The following PLEKHA3 variants were observed in gnomAD, a reference collection of about 807,000 sequenced individuals.
The protein encoded by PLEKHA3 is pleckstrin homology domain containing A3.
PLEKHA3 carries 19 observed loss-of-function variants against 39.2 expected under a neutral mutation model. The ratio of observed to expected loss-of-function variants is 0.48; its 90% CI spans 0.34 to 0.71. The LOEUF is 0.71. Among genes scored for constraint, PLEKHA3 ranks in the 30% least tolerant of loss-of-function variants. The probability of loss-of-function intolerance (pLI) is 0.01; values close to 1 mark genes in which losing one functional copy is unlikely to be tolerated. For missense variants in PLEKHA3, 253 were observed against 359.5 expected (o/e 0.70, Z 2.40); for synonymous variants, 97 against 118.6 (o/e 0.82, Z 1.18).
At position 178,484,833 on chromosome 2, in the gene PLEKHA3, C is replaced by G. The variant is rs1259675317; in HGVS notation, c.41-808C>G. On this transcript the variant is annotated intron_variant, in intron 1 of 7. Transcript: ENST00000234453. ...GTGGGAATTGGGTGCCAAGGAAAGT[C>G]ATCATCCTTGTCGTCAGCTTTGGCA... Among the ~76,000 whole-genome samples, 4 of 152,320 alleles carry G rather than the reference C, an allele frequency of 2.6e-5. No individual in the cohort carries two copies. In the East Asian group the frequency reaches 7.7e-4, roughly 29 times the overall value.
intron 1 of PLEKHA3, 40 bp from the exon 2 acceptor site, chr2:178,485,601 G>C (rs1685236726): frequency 8.1e-7 from 1 of 1,232,046 alleles, no homozygotes; most frequent in African/African-American, 1.5e-5. Context: ...TGAAAGTAAT[G>C]TGTTTCCAAT....
Position 178,512,522 on chromosome 2 carries a change from A to G in PLEKHA3, c.*8635A>G, listed in dbSNP as rs541149581. ...AAGACTTTTACTCACTTAAATCTCA[A>G]TATAAAGTATATTGCCAGATCTGGC... On this transcript the variant is annotated 3_prime_UTR_variant, in exon 8 of 8. Transcript: ENST00000234453. The G allele has an allele frequency of 6.6e-6, 1 of 152,274 alleles. No homozygotes were observed. The highest frequency in any genetic ancestry group is 2.4e-5 in the African/African-American group (1 of 41,460). 9.4% of individuals were successfully genotyped at this position (152,274 alleles called of 1,614,324 possible). A position where few individuals can be genotyped will look rare whatever the true frequency, so the allele number is the denominator to read the frequency against.
chr2:178,484,202 C>G (rs1685214081), intron 1 of PLEKHA3, among the ~76,000 whole-genome samples: 1 of 152,086 alleles, frequency 6.6e-6, no homozygotes, highest in Non-Finnish European at 1.5e-5. Flanking sequence ...GTGCCAGGCA[C>G]CATTCTAGTT....
intron 2 of PLEKHA3, among the ~76,000 whole-genome samples, chr2:178,488,001 T>A (rs1685279161): frequency 6.6e-6 from 1 of 151,948 alleles, no homozygotes; most frequent in South Asian, 2.1e-4. Flanking sequence ...TTGTCGGGAG[T>A]GTTAGCTCAT....
In PLEKHA3 at chr2:178,490,799, A is replaced by G; in HGVS notation, c.298A>G (p.Thr100Ala). 6.2e-7 allele frequency: 1 copy of G among 1,607,974 alleles called. No individual in the cohort carries two copies. Among genetic ancestry groups the G allele is most frequent in the Non-Finnish European group, 8.5e-7 (1 of 1,178,114 alleles). Residue 100 changes from threonine to alanine, a missense_variant, in exon 3 of 8, where the codon ACT becomes GCT. Transcript: ENST00000234453. ...SSKACLTDTR[T>A]KKEKEISETS... ...CAAAGCATGTTTGACTGATACAAGG[A>G]CTAAAAAAGAAAAAGGTAACTATAA... is the stretch of plus-strand genomic sequence containing the variant.
rs1349159669 is a variant in PLEKHA3, at chr2:178,512,770, C to T, written c.*8883C>T. Reference sequence around the variant, plus strand: ...GTGCTGCCATCTTTTTCTCCCAGCACTCTGGACTTAAAATTCTGAGAGAAC... The same window carrying T: ...GTGCTGCCATCTTTTTCTCCCAGCATTCTGGACTTAAAATTCTGAGAGAAC... On this transcript the variant is annotated 3_prime_UTR_variant, in exon 8 of 8. Coordinates refer to ENST00000234453, the MANE Select transcript of PLEKHA3 (RefSeq NM_019091.4). 1 of 153,776 alleles carries T rather than the reference C, an allele frequency of 6.5e-6. No homozygotes were observed. Among genetic ancestry groups the T allele is most frequent in the Non-Finnish European group, 1.5e-5 (1 of 68,036 alleles). The allele number at this position is 153,776 out of a possible 1,614,324, so 9.5% of individuals were successfully genotyped here. A position where few individuals can be genotyped will look rare whatever the true frequency, so the allele number is the denominator to read the frequency against.
At chr2:178,501,418 A>G (rs1685528401) in intron 7 of PLEKHA3, among the ~76,000 whole-genome samples, 1 of 152,000 alleles carries the variant, frequency 6.6e-6, no homozygotes, top group African/African-American at 2.4e-5. Context: ...TCAGATATAT[A>G]TTTATAGAAT....
intron 1 of PLEKHA3, among the ~76,000 whole-genome samples, chr2:178,482,931 A>G (rs572956134): frequency 6.6e-6 from 1 of 152,186 alleles, no homozygotes; most frequent in Middle Eastern, 3.2e-3. Flanking sequence ...CATAAGAATG[A>G]GCAGCTGTTC....
At chr2:178,483,249 ACT>A (rs964700511) in intron 1 of PLEKHA3, among the ~76,000 whole-genome samples, 2 of 151,346 alleles carry the variant, frequency 1.3e-5, no homozygotes, top group East Asian at 1.9e-4. Context: ...ACAGAGCGAG[ACT>A]CTATCTCAAA....
At chr2:178,485,814 GC>G in intron 2 of PLEKHA3, 57 bp downstream of exon 2, 1 of 1,285,136 alleles carries the variant, frequency 7.8e-7, no homozygotes, top group South Asian at 1.2e-5. Flanking sequence ...GGGTTCTTCA[GC>G]ATACTCCAGA....
In PLEKHA3 at chr2:178,516,181, G is replaced by A. The variant is rs1043887838; in HGVS notation, c.*12294G>A. 6.6e-6 allele frequency: 1 copy of A among 151,776 alleles called. No individual in the cohort carries two copies. The highest frequency in any genetic ancestry group is 1.5e-5 in the Non-Finnish European group (1 of 67,910). 9.4% of individuals were successfully genotyped at this position (151,776 alleles called of 1,614,324 possible). On this transcript the variant is annotated 3_prime_UTR_variant, in exon 8 of 8. Coordinates refer to ENST00000234453, the MANE Select transcript of PLEKHA3 (RefSeq NM_019091.4). ...TTAAGAAATTGGAAATAATGGAATT[G>A]GTTTAAAAAGCTAGTCTCTAAATTA...
At chr2:178,483,907 C>G (rs574898717) in intron 1 of PLEKHA3, among the ~76,000 whole-genome samples, 5 of 151,982 alleles carry the variant, frequency 3.3e-5, no homozygotes, top group Admixed American at 2.6e-4. Flanking sequence ...GATGAGACTT[C>G]GTCTCTATAA....
chr2:178,481,029 C>CAACAAGCCCTGGAATCGAGTA, intron 1 of PLEKHA3, 120 bp downstream of exon 1: 1 of 924,902 alleles, frequency 1.1e-6, no homozygotes, highest in Non-Finnish European at 1.5e-6. Flanking sequence ...TCGCTCTACT[C>CAACAAGCCCTGGAATCGAGTA]GATTCCAGGG....
chr2:178,496,975 G>A (rs1454611151), intron 5 of PLEKHA3, among the ~76,000 whole-genome samples: 1 of 151,832 alleles, frequency 6.6e-6, no homozygotes, highest in African/African-American at 2.4e-5. Context: ...TTGTAGAGAT[G>A]GAGTCTCATT....
In PLEKHA3 at chr2:178,512,980, T is replaced by A. The variant is rs898196374; in HGVS notation, c.*9093T>A. On this transcript the variant is annotated 3_prime_UTR_variant, in exon 8 of 8. Coordinates refer to ENST00000234453, the MANE Select transcript of PLEKHA3 (RefSeq NM_019091.4). ...GTATTGACTTTTAAATAGATGTACATTGCAATAGTTTGGATTAGCTCATCC... is the reference window on the plus strand; with the variant it reads ...GTATTGACTTTTAAATAGATGTACAATGCAATAGTTTGGATTAGCTCATCC... 1.3e-5 allele frequency: 2 copies of A among 153,740 alleles called. No homozygotes were observed. Among genetic ancestry groups the A allele is most frequent in the African/African-American group, 4.8e-5 (2 of 41,430 alleles). The allele number at this position is 153,740 out of a possible 1,614,324, so 9.5% of individuals were successfully genotyped here.
At position 178,514,161 on chromosome 2, in the gene PLEKHA3, G is replaced by A. The variant is rs1468482661; in HGVS notation, c.*10274G>A. On this transcript the variant is annotated 3_prime_UTR_variant, in exon 8 of 8. Transcript: ENST00000234453. ...AGCAATAAGTACGCACACTTACTGT[G>A]GTTTACCATCATGACCATGGATAGC... 6.7e-6 allele frequency: 1 copy of A among 148,272 alleles called. No individual in the cohort carries two copies. Among genetic ancestry groups the A allele is most frequent in the Non-Finnish European group, 1.5e-5 (1 of 67,312 alleles). The allele number at this position is 148,272 out of a possible 1,614,324, so 9.2% of individuals were successfully genotyped here.
chr2:178,484,402 T>A (rs1190611647), intron 1 of PLEKHA3, among the ~76,000 whole-genome samples: 3 of 152,212 alleles, frequency 2.0e-5, no homozygotes, highest in Non-Finnish European at 4.4e-5. Flanking sequence ...TTCCCTGCCT[T>A]CCTAAACAGG....
Position 178,480,761 on chromosome 2 carries a change from G to C in PLEKHA3, c.-109G>C. ...CGCAGGCAGAAAGCGGCTTCGTGCCGGCGGAGGGGGCCCGGGCGGGCCGGG... is the reference window on the plus strand; with the variant it reads ...CGCAGGCAGAAAGCGGCTTCGTGCCCGCGGAGGGGGCCCGGGCGGGCCGGG... On this transcript the variant is annotated 5_prime_UTR_variant, in exon 1 of 8. Transcript: ENST00000234453. 1 of 985,620 alleles carries C rather than the reference G, an allele frequency of 1.0e-6. No homozygotes were observed. Among genetic ancestry groups the C allele is most frequent in the Non-Finnish European group, 1.3e-6 (1 of 752,730 alleles). 61.1% of individuals were successfully genotyped at this position (985,620 alleles called of 1,614,324 possible). A position where few individuals can be genotyped will look rare whatever the true frequency, so the allele number is the denominator to read the frequency against.
intron 3 of PLEKHA3, among the ~76,000 whole-genome samples, 196 bp downstream of exon 3, chr2:178,491,010 CTTTT>C (rs1204723389): frequency 7.7e-6 from 1 of 129,522 alleles, no homozygotes. Flanking sequence ...CTCTTTCTTT[CTTTT>C]TTTTTTTTTT....
Sources: gnomAD v4.1 joint callset for allele counts (sites outside exome capture counted in the v4.1 genomes callset) on GRCh38, gnomAD v4.1.1 for gene constraint, MANE v1.5 for transcripts, NCBI Gene and HGNC (gene_info 2026-07-23, HGNC 2026-07-21) for gene names.